MAP4K1: variants seen among roughly 807,000 people sequenced by gnomAD.
The protein encoded by MAP4K1 is MAPK/ERK kinase kinase kinase 1.
A neutral mutation model predicts 122.8 loss-of-function variants in MAP4K1; 35 were observed. The observed-to-expected ratio is 0.29, with a 90% CI of 0.22 to 0.38. The LOEUF (loss-of-function observed/expected upper bound fraction) is 0.38. Ranked by LOEUF, MAP4K1 falls within the 10% of genes least tolerant of loss-of-function variation. MAP4K1 has a pLI of 1.00. For synonymous variants in MAP4K1, 412 were observed against 421.3 expected (o/e 0.98, Z 0.27); for missense variants, 791 against 1,072.6 (o/e 0.74, Z 3.67).
intron 29 of MAP4K1, 168 bp from the exon 30 acceptor site, chr19:38,593,505 C>G (rs1293109646): frequency 4.3e-6 from 2 of 470,426 alleles, no homozygotes; most frequent in East Asian, 8.1e-5. Context: ...GAGTTCGAGA[C>G]CAGCCTGGCC....
chr19:38,600,294 T>C lies in MAP4K1; in HGVS notation c.1532-141A>G. 4 of 702,852 alleles carry C rather than the reference T, an allele frequency of 5.7e-6. No individual in the cohort carries two copies. In the South Asian group the frequency reaches 7.0e-5, roughly 12 times the overall value. The allele number at this position is 702,852 out of a possible 1,614,324, so 43.5% of individuals were successfully genotyped here. On this transcript the variant is annotated intron_variant, in intron 20 of 30. Transcript: ENST00000396857. ...TCTCCAAACCAATACTCCCAGCCTC[T>C]GTTTCCCCAAACAAAGCCAGAGCGG...
chr19:38,593,662 A>T (rs765927347), intron 29 of MAP4K1, among the ~76,000 whole-genome samples: 1 of 152,212 alleles, frequency 6.6e-6, no homozygotes, highest in African/African-American at 2.4e-5. Context: ...AGATTGCGCC[A>T]CTGGGCGTGC....
chr19:38,593,441 G>A (rs929887481), intron 29 of MAP4K1, 104 bp from the exon 30 acceptor site: 19 of 1,019,370 alleles, frequency 1.9e-5, no homozygotes, highest in Middle Eastern at 2.2e-4. Flanking sequence ...GGTGGCTCAC[G>A]CCTGTAATCC....
Position 38,614,238 on chromosome 19 carries a change from A to G in MAP4K1, c.417+7T>C, listed in dbSNP as rs1975582595. 2.9e-5 allele frequency: 46 copies of G among 1,606,966 alleles called. No individual in the cohort carries two copies. The highest frequency in any genetic ancestry group is 3.9e-5 in the Non-Finnish European group (46 of 1,176,348). ...CCCCCAACAGCACCCCTACACCCCC[A>G]GACCACCTTGATGTCCCTGTGTATC... On this transcript the variant is annotated splice_region_variant and intron_variant, in intron 6 of 30. Transcript: ENST00000396857.
Position 38,617,478 on chromosome 19 carries a change from C to A in MAP4K1, c.158-34G>T, listed in dbSNP as rs373598497. ...AGGGCGGGAGAGAAAAGGCAGCTCG[C>A]ATGGGGAGAGAGCTACAGGGGAGGT... On this transcript the variant is annotated intron_variant, in intron 2 of 30. Transcript: ENST00000396857. This position sits in a 1 kb window ranked among gnomAD's most constrained non-coding sequence, Gnocchi z 4.1. The A allele has an allele frequency of 5.0e-6, 8 of 1,600,726 alleles. No homozygotes were observed. Among genetic ancestry groups the A allele is most frequent in the Non-Finnish European group, 6.8e-6 (8 of 1,167,938 alleles).
intron 19 of MAP4K1, among the ~76,000 whole-genome samples, chr19:38,603,293 CACAT>C (rs1019720111): frequency 4.0e-4 from 60 of 150,064 alleles, no homozygotes; most frequent in African/African-American, 1.4e-3. Flanking sequence ...TATACACACA[CACAT>C]ACATGTATAC....
At chr19:38,603,601 G>A (rs955237373) in intron 19 of MAP4K1, among the ~76,000 whole-genome samples, 4 of 152,084 alleles carry the variant, frequency 2.6e-5, no homozygotes, top group African/African-American at 9.7e-5. Flanking sequence ...TTGGGAGGCC[G>A]AGGTGGGAGG....
chr19:38,596,217 TC>T (rs1974872492), intron 26 of MAP4K1, 94 bp downstream of exon 26: 11 of 1,449,782 alleles, frequency 7.6e-6, no homozygotes, highest in Non-Finnish European at 1.0e-5. Context: ...CCTTTCTCAG[TC>T]CCGTAGTGCC....
intron 22 of MAP4K1, among the ~76,000 whole-genome samples, chr19:38,598,352 AG>A (rs1974951984): frequency 6.6e-6 from 1 of 151,662 alleles, no homozygotes; most frequent in African/African-American, 2.4e-5. Context: ...ATATATAGAC[AG>A]GGTCTCATTC....
chr19:38,609,300 A>G (rs1164750622), intron 13 of MAP4K1, among the ~76,000 whole-genome samples: 1 of 151,946 alleles, frequency 6.6e-6, no homozygotes. Flanking sequence ...ACACCCGGCT[A>G]ATTTTTGTAT....
At chr19:38,596,035 A>C (rs1974865031) in intron 26 of MAP4K1, 34 bp from the exon 27 acceptor site, 1 of 1,580,142 alleles carries the variant, frequency 6.3e-7, no homozygotes, top group African/African-American at 1.4e-5. Context: ...GATTGACCCC[A>C]CCCCATTCCC....
chr19:38,609,460 G>A (rs1975429057), intron 13 of MAP4K1, 136 bp downstream of exon 13: 2 of 768,290 alleles, frequency 2.6e-6, no homozygotes, highest in South Asian at 1.5e-5. Flanking sequence ...TAGTTCAGGT[G>A]CTGATGAGAT....
intron 30 of MAP4K1, among the ~76,000 whole-genome samples, chr19:38,589,859 G>A (rs1174697121): frequency 6.6e-6 from 1 of 152,062 alleles, no homozygotes. Context: ...GCGAAACCCT[G>A]TCTGTACAAA....
chr19:38,593,343 G>GA lies in MAP4K1; in HGVS notation c.2341-7dup. The GA allele has an allele frequency of 3.1e-6, 5 of 1,606,458 alleles. No homozygotes were observed. The East Asian group carries it at 6.7e-5, about 22-fold the overall frequency. ...TCTCTCAGCTCCTGTAGCAGCTAGG[G>GA]AAAAAAAGTGTGTGTCTCAGTGCCT... On this transcript the variant is annotated splice_polypyrimidine_tract_variant and splice_region_variant and intron_variant, in intron 29 of 30. Transcript: ENST00000396857.
In MAP4K1 at chr19:38,597,583, G is replaced by T; in HGVS notation, c.1681C>A (p.His561Asn). ...VLMSLSGKTP[H>N]LYSHSILGLL... Reference sequence around the variant, plus strand: ...CCAAGGATGCTATGAGAATACAGGTGGGGGGTCTTTCCTGCAGGGTGTGTG... The same window carrying T: ...CCAAGGATGCTATGAGAATACAGGTTGGGGGTCTTTCCTGCAGGGTGTGTG... Residue 561 changes from histidine (H) to asparagine (N), a missense_variant, in exon 23 of 31, where the codon CAC becomes AAC. Physicochemically the swap from His to Asn is moderately conservative, Grantham distance 68. Coordinates refer to ENST00000396857, the MANE Select transcript of MAP4K1 (RefSeq NM_001042600.3). The surrounding 1 kb of genome is among the most constrained non-coding windows in gnomAD (Gnocchi z 4.6). 2.5e-6 allele frequency: 4 copies of T among 1,611,398 alleles called. No individual in the cohort carries two copies. The highest frequency in any genetic ancestry group is 3.4e-6 in the Non-Finnish European group (4 of 1,178,670).
intron 12 of MAP4K1, 35 bp from the exon 13 acceptor site, chr19:38,609,709 C>A: frequency 6.3e-7 from 1 of 1,581,842 alleles, no homozygotes. Flanking sequence ...GGGCTCAAGA[C>A]CCCCAAGCAG....
chr19:38,604,519 G>A (rs1173936245), intron 19 of MAP4K1, among the ~76,000 whole-genome samples: 1 of 152,088 alleles, frequency 6.6e-6, no homozygotes, highest in African/African-American at 2.4e-5. Flanking sequence ...AGCTGGGCGC[G>A]GTGGCTCATG....
At chr19:38,601,359 G>T in intron 20 of MAP4K1, 82 bp downstream of exon 20, 1 of 1,291,148 alleles carries the variant, frequency 7.7e-7, no homozygotes, top group Non-Finnish European at 1.1e-6. Flanking sequence ...CCCTGCCTTT[G>T]TGCCTTCCTT....
intron 25 of MAP4K1, among the ~76,000 whole-genome samples, 194 bp downstream of exon 25, chr19:38,596,840 C>T (rs2145938467): frequency 6.6e-6 from 1 of 152,242 alleles, no homozygotes; most frequent in South Asian, 2.1e-4. Context: ...GTGTGAGGGG[C>T]GGCGCTTAAG....
Sources: allele counts gnomAD v4.1 joint callset (sites outside exome capture counted in the v4.1 genomes callset), GRCh38; gene constraint gnomAD v4.1.1; non-coding constraint Gnocchi (gnomAD v3.1); transcripts MANE v1.5; gene names NCBI Gene and HGNC (gene_info 2026-07-23, HGNC 2026-07-21).